NTM: variants seen among roughly 807,000 people sequenced by gnomAD.
NTM encodes IgLON family member 2.
A neutral mutation model predicts 42.1 loss-of-function variants in NTM; 13 were observed. The observed-to-expected ratio is 0.31, with a 90% CI of 0.20 to 0.49. The LOEUF is 0.49. Among genes scored for constraint, NTM ranks in the 20% least tolerant of loss-of-function variants. The pLI is 0.99. For synonymous variants in NTM, 187 were observed against 179.2 expected, an observed-to-expected ratio of 1.04 and a Z score of -0.35; for missense variants, 373 against 452.8, an observed-to-expected ratio of 0.82 and a Z score of 1.60.
intron 3 of NTM, among the ~76,000 whole-genome samples, chr11:132,197,588 T>A (rs1193936967): frequency 6.6e-6 from 1 of 151,700 alleles, no homozygotes; most frequent in Non-Finnish European, 1.5e-5. Context: ...CATGTTGGTG[T>A]GCTGCACCCA....
chr11:131,463,841 G>A lies in NTM; in HGVS notation c.82+92953G>A, dbSNP rs79391196. 5.1e-3 allele frequency among the ~76,000 whole-genome samples: 776 copies of A among 152,332 alleles called. 5 individuals carry two copies. The highest frequency in any genetic ancestry group is 0.017 in the African/African-American group (717 of 41,580). On this transcript the variant is annotated intron_variant, in intron 1 of 8. Coordinates refer to ENST00000683400, the MANE Select transcript of NTM (RefSeq NM_001352005.2). Reference sequence around the variant, plus strand: ...AATCAGGCGGTGGCTCCAGGAGAACGGGCCCAGGAAGGAGAGAGGATGGGG... The same window carrying A: ...AATCAGGCGGTGGCTCCAGGAGAACAGGCCCAGGAAGGAGAGAGGATGGGG...
intron 1 of NTM, among the ~76,000 whole-genome samples, chr11:131,396,901 G>A (rs1169339014): frequency 2.0e-5 from 3 of 152,130 alleles, no homozygotes; most frequent in Non-Finnish European, 4.4e-5. Context: ...GCAACTCTGG[G>A]AAGCTCACGT....
intron 1 of NTM, among the ~76,000 whole-genome samples, chr11:131,394,959 G>A (rs1944396173): frequency 6.6e-6 from 1 of 152,190 alleles, no homozygotes; most frequent in Non-Finnish European, 1.5e-5. Context: ...AGTCTATCCA[G>A]TCAGCAACAC....
intron 1 of NTM, among the ~76,000 whole-genome samples, chr11:131,789,503 GAA>G (rs1491575552): frequency 1.3e-3 from 11 of 8,372 alleles, no homozygotes; most frequent in Admixed American, 2.8e-3. Flanking sequence ...GAAAGAAGAA[GAA>G]GAAGAAGAAG....
At chr11:131,597,034 G>A (rs2059871504) in intron 1 of NTM, among the ~76,000 whole-genome samples, 1 of 152,108 alleles carries the variant, frequency 6.6e-6, no homozygotes, top group Non-Finnish European at 1.5e-5. Context: ...TTGTATTCTA[G>A]CTTTGCTGGC....
chr11:132,096,675 G>A (rs147016582), intron 2 of NTM, among the ~76,000 whole-genome samples: 33 of 152,260 alleles, frequency 2.2e-4, no homozygotes, highest in Non-Finnish European at 3.2e-4. Flanking sequence ...GGCTCCGCTC[G>A]GCCAGCAGAA....
At chr11:131,386,456 T>C (rs1360906722) in intron 1 of NTM, among the ~76,000 whole-genome samples, 1 of 152,256 alleles carries the variant, frequency 6.6e-6, no homozygotes, top group Non-Finnish European at 1.5e-5. Flanking sequence ...AGGGTGAATT[T>C]TATTTCATGC....
At chr11:131,994,091 G>A (rs1341431141) in intron 2 of NTM, among the ~76,000 whole-genome samples, 1 of 151,964 alleles carries the variant, frequency 6.6e-6, no homozygotes, top group Non-Finnish European at 1.5e-5. Flanking sequence ...GTCTCTAAAG[G>A]TGGAGAAAGA....
intron 2 of NTM, among the ~76,000 whole-genome samples, chr11:131,936,387 A>T (rs2059217768): frequency 1.3e-5 from 2 of 152,118 alleles, no homozygotes; most frequent in African/African-American, 4.8e-5. Flanking sequence ...GTTTTCTCCC[A>T]TGCCTTTTTA....
chr11:131,917,638 G>T (rs2056600567), intron 2 of NTM, among the ~76,000 whole-genome samples: 1 of 152,180 alleles, frequency 6.6e-6, no homozygotes, highest in South Asian at 2.1e-4. Context: ...GAGTCTGCTG[G>T]CAGTGGTTGT....
intron 1 of NTM, among the ~76,000 whole-genome samples, chr11:131,476,150 T>C (rs1420124643): frequency 6.6e-6 from 1 of 152,242 alleles, no homozygotes; most frequent in Non-Finnish European, 1.5e-5. Flanking sequence ...AAATCTATAC[T>C]TACTCTTTAG....
chr11:131,675,341 G>A (rs1445496487), intron 1 of NTM, among the ~76,000 whole-genome samples: 1 of 152,124 alleles, frequency 6.6e-6, no homozygotes. Flanking sequence ...TACTGGCTAG[G>A]ATATGATTTC....
chr11:132,052,466 C>T (rs1002582709), intron 2 of NTM, among the ~76,000 whole-genome samples: 4 of 152,144 alleles, frequency 2.6e-5, no homozygotes, highest in Admixed American at 2.6e-4. Flanking sequence ...CTGTCAACAG[C>T]CCCCAGCTCT....
At position 131,491,553 on chromosome 11, in the gene NTM, G is replaced by T. The variant is rs890439346; in HGVS notation, c.82+120665G>T. 2.6e-5 allele frequency among the ~76,000 whole-genome samples: 4 copies of T among 152,110 alleles called. No homozygotes were observed. The East Asian group carries it at 5.8e-4, about 22-fold the overall frequency. The stretch of plus-strand genomic sequence containing the variant: ...AATGGCATAATATTCAAGCCCCACT[G>T]ATCTGGGCCCATGTTCATACCTAGA... On this transcript the variant is annotated intron_variant, in intron 1 of 8. Coordinates refer to ENST00000683400, the MANE Select transcript of NTM (RefSeq NM_001352005.2).
chr11:131,638,199 A>G (rs2064658566), intron 1 of NTM, among the ~76,000 whole-genome samples: 2 of 152,216 alleles, frequency 1.3e-5, no homozygotes, highest in Admixed American at 6.5e-5. Context: ...TTATTTTCAT[A>G]TAAGAGAGGG....
At chr11:131,897,120 T>C (rs1565694438) in intron 1 of NTM, 1 of 152,254 alleles carries the variant, frequency 6.6e-6, no homozygotes, top group Non-Finnish European at 1.5e-5. Context: ...ACGGCAGCAG[T>C]ACCTCTCCAA....
At chr11:132,054,052 C>T (rs903046102) in intron 2 of NTM, among the ~76,000 whole-genome samples, 2 of 152,116 alleles carry the variant, frequency 1.3e-5, no homozygotes, top group Admixed American at 1.3e-4. Context: ...CTCATCTATA[C>T]TAAAAATACA....
intron 4 of NTM, among the ~76,000 whole-genome samples, chr11:132,218,239 C>G (rs149683094): frequency 1.3e-5 from 2 of 152,254 alleles, no homozygotes; most frequent in African/African-American, 4.8e-5. Context: ...TCACCTTACC[C>G]ACAGAGGGCA....
chr11:132,046,348 T>G (rs1409715140), intron 2 of NTM, among the ~76,000 whole-genome samples: 2 of 58,110 alleles, frequency 3.4e-5, no homozygotes, highest in East Asian at 9.2e-3. Context: ...TAAATTGAAC[T>G]AACTGTTTTA....
Sources: allele counts gnomAD v4.1 joint callset (sites outside exome capture counted in the v4.1 genomes callset), GRCh38; gene constraint gnomAD v4.1.1; transcripts MANE v1.5; gene names NCBI Gene and HGNC (gene_info 2026-07-23, HGNC 2026-07-21).